NFIB: variants seen among roughly 807,000 people sequenced by gnomAD.
The protein encoded by NFIB is nuclear factor I B.
In NFIB, 11 loss-of-function variants were observed where a neutral mutation model predicts 61.5. The observed-to-expected ratio is 0.18, with a 90% CI of 0.11 to 0.30. The LOEUF is 0.30. NFIB is among the 10% of genes least tolerant of loss of function. NFIB has a pLI of 1.00. For missense variants in NFIB, 471 were observed against 608.9 expected (o/e 0.77, Z 2.38); for synonymous variants, 260 against 216.5 (o/e 1.20, Z -1.76).
the NFIB span, among the ~76,000 whole-genome samples, chr9:14,419,599 G>T: frequency 6.6e-6 from 1 of 152,212 alleles, no homozygotes; most frequent in African/African-American, 2.4e-5. Context: ...AGCCTTGCAT[G>T]TTACGTAGCT....
chr9:14,272,326 A>C (rs781656654), intron 2 of NFIB, among the ~76,000 whole-genome samples: 3 of 152,198 alleles, frequency 2.0e-5, no homozygotes, highest in Non-Finnish European at 4.4e-5. Context: ...AATTATTTTA[A>C]ATAGAACATG....
At chr9:14,388,413 AAGGAAG>A (rs2133023402) in intron 1 of NFIB, among the ~76,000 whole-genome samples, 4 of 141,516 alleles carry the variant, frequency 2.8e-5, no homozygotes, top group Non-Finnish European at 6.1e-5. Flanking sequence ...GGAAGGAAGG[AAGGAAG>A]GAAGGAAGGA....
the NFIB span, among the ~76,000 whole-genome samples, chr9:14,459,588 G>A: frequency 3.9e-5 from 6 of 152,010 alleles, no homozygotes; most frequent in East Asian, 3.9e-4. Context: ...GCAACCTACA[G>A]AATGGGAGAA....
the NFIB span, among the ~76,000 whole-genome samples, chr9:14,472,391 C>T: frequency 2.0e-5 from 3 of 152,090 alleles, no homozygotes; most frequent in Non-Finnish European, 2.9e-5. Flanking sequence ...GGAACAAGAA[C>T]AGAAATTAAG....
intron 1 of NFIB, among the ~76,000 whole-genome samples, chr9:14,397,711 A>T (rs934300222): frequency 1.3e-5 from 2 of 152,246 alleles, no homozygotes; most frequent in Non-Finnish European, 2.9e-5. Context: ...CAGCAATATC[A>T]TGCCTAACCT....
chr9:14,413,973 G>C, the NFIB span, among the ~76,000 whole-genome samples: 1 of 152,208 alleles, frequency 6.6e-6, no homozygotes. Context: ...TCAAGGGTTT[G>C]AACGTCTCAA....
the NFIB span, among the ~76,000 whole-genome samples, chr9:14,470,135 T>C: frequency 1.3e-5 from 2 of 152,166 alleles, no homozygotes; most frequent in African/African-American, 4.8e-5. Context: ...ATTCACCCTA[T>C]GGGTTGTCAT....
the NFIB span, among the ~76,000 whole-genome samples, chr9:14,442,734 T>A: frequency 3.9e-5 from 6 of 152,158 alleles, no homozygotes; most frequent in African/African-American, 1.4e-4. Context: ...CTTGATTATC[T>A]CTGTAAAGAC....
the NFIB span, among the ~76,000 whole-genome samples, chr9:14,460,095 A>G: frequency 6.6e-6 from 1 of 152,190 alleles, no homozygotes; most frequent in African/African-American, 2.4e-5. Context: ...ACTATTCACA[A>G]TAGCAAAAAC....
chr9:14,420,253 C>G, the NFIB span, among the ~76,000 whole-genome samples: 1 of 151,822 alleles, frequency 6.6e-6, no homozygotes, highest in Non-Finnish European at 1.5e-5. Flanking sequence ...TTGAGACCAG[C>G]CTGGCCAATA....
intron 1 of NFIB, among the ~76,000 whole-genome samples, chr9:14,336,576 T>C (rs535769149): frequency 2.0e-5 from 3 of 152,338 alleles, no homozygotes; most frequent in East Asian, 1.9e-4. Context: ...ATCTCACTTC[T>C]AGAGATATGC....
In NFIB at chr9:14,228,280, C is replaced by T. The variant is rs563458175; in HGVS notation, c.563-48500G>A. On this transcript the variant is annotated intron_variant, in intron 2 of 10. Transcript: ENST00000380953. The stretch of plus-strand genomic sequence containing the variant: ...CGCAATCTCGGCTCACTGCAGCCTC[C>T]GCCTCCCAGGTTTAAGCAATTTTCC... 1.9e-4 allele frequency among the ~76,000 whole-genome samples: 29 copies of T among 151,392 alleles called. No homozygotes were observed. The East Asian group carries it at 5.2e-3, about 27-fold the overall frequency.
chr9:14,507,958 A>G, the NFIB span, among the ~76,000 whole-genome samples: 2 of 141,488 alleles, frequency 1.4e-5, no homozygotes, highest in Non-Finnish European at 3.0e-5. Context: ...AGACACAGAC[A>G]CAGACACACA....
In NFIB at chr9:14,088,233, A is replaced by G. The variant is rs1215412087; in HGVS notation, c.*76T>C. The G allele has an allele frequency of 3.2e-6, 5 of 1,569,188 alleles. No homozygotes were observed. The highest frequency in any genetic ancestry group is 4.3e-6 in the Non-Finnish European group (5 of 1,154,318). On this transcript the variant is annotated 3_prime_UTR_variant, in exon 11 of 11. Transcript: ENST00000380953. Reference sequence around the variant, plus strand: ...TTTCTGCTTGAAGGAAAGGTTCTCCAATTATGTTCAAACCGTAATTTTGGA... The same window carrying G: ...TTTCTGCTTGAAGGAAAGGTTCTCCGATTATGTTCAAACCGTAATTTTGGA...
chr9:14,411,706 G>A, the NFIB span, among the ~76,000 whole-genome samples: 8 of 152,056 alleles, frequency 5.3e-5, no homozygotes, highest in Non-Finnish European at 1.0e-4. Context: ...GAGGATGACC[G>A]TCTCCATGAC....
chr9:14,347,848 G>T (rs1278761978), intron 1 of NFIB, among the ~76,000 whole-genome samples: 1 of 152,124 alleles, frequency 6.6e-6, no homozygotes, highest in Non-Finnish European at 1.5e-5. Context: ...AGATTCTCTC[G>T]CCGAGGGTCC....
At chr9:14,445,705 A>G in the NFIB span, among the ~76,000 whole-genome samples, 1 of 152,104 alleles carries the variant, frequency 6.6e-6, no homozygotes. Context: ...ATTCTTTTGG[A>G]GCATTGCTGG....
chr9:14,219,645 T>C (rs2051400120), intron 2 of NFIB, among the ~76,000 whole-genome samples: 1 of 152,218 alleles, frequency 6.6e-6, no homozygotes, highest in African/African-American at 2.4e-5. Flanking sequence ...TGTTTTGTTT[T>C]GTTTCTTTTA....
chr9:14,409,024 A>G, the NFIB span, among the ~76,000 whole-genome samples: 1 of 152,194 alleles, frequency 6.6e-6, no homozygotes, highest in South Asian at 2.1e-4. Context: ...GAGAAGTTAC[A>G]GAAGTGTATG....
Sources: allele counts gnomAD v4.1 joint callset (sites outside exome capture counted in the v4.1 genomes callset), GRCh38; gene constraint gnomAD v4.1.1; transcripts MANE v1.5; gene names NCBI Gene and HGNC (gene_info 2026-07-23, HGNC 2026-07-21).